The following PHIP variants were observed in gnomAD, a reference collection of about 807,000 sequenced individuals.
PHIP encodes PH-interacting protein.
PHIP carries 54 observed loss-of-function variants against 236.8 expected under a neutral mutation model. That is an observed-to-expected ratio of 0.23 (90% confidence interval 0.18 to 0.29). PHIP has a LOEUF of 0.29. PHIP is among the 10% of genes least tolerant of loss of function. The pLI is 1.00. For synonymous variants in PHIP, 756 were observed against 718.9 expected, an observed-to-expected ratio of 1.05 and a Z score of -0.83; for missense variants, 1,370 against 2,190.8, an observed-to-expected ratio of 0.63 and a Z score of 7.48.
chr6:78,949,714 G>A (rs571548602), intron 35 of PHIP, among the ~76,000 whole-genome samples: 1 of 151,850 alleles, frequency 6.6e-6, no homozygotes, highest in African/African-American at 2.4e-5. Context: ...TAATGAGATA[G>A]GGTCTCACTC....
At chr6:78,985,955 T>C (rs1488197391) in intron 21 of PHIP, among the ~76,000 whole-genome samples, 1 of 152,184 alleles carries the variant, frequency 6.6e-6, no homozygotes, top group Non-Finnish European at 1.5e-5. Flanking sequence ...ATAATACTAA[T>C]ATTGGATTCA....
chr6:78,970,782 C>A lies in PHIP; in HGVS notation c.2996G>T (p.Arg999Leu). Residue 999 changes from arginine (R) to leucine (L), a missense_variant and splice_region_variant, in exon 25 of 40, where the codon CGG (arginine) becomes CTG (leucine). Transcript: ENST00000275034. The stretch of plus-strand genomic sequence containing the variant: ...TTAAATAATAAATCAATGTCATACC[C>A]GTAGCTCCATTTTATGCCATGGTTG... ...KKQPWHKMEL[R>L]EQELMKIVGI... The A allele has an allele frequency of 6.3e-7, 1 of 1,581,392 alleles. No individual in the cohort carries two copies. Among genetic ancestry groups the A allele is most frequent in the Non-Finnish European group, 8.6e-7 (1 of 1,156,146 alleles).
chr6:79,009,074 C>T (rs1014213900), intron 15 of PHIP, among the ~76,000 whole-genome samples: 5 of 152,040 alleles, frequency 3.3e-5, no homozygotes, highest in Admixed American at 6.6e-5. Flanking sequence ...CACACTTATT[C>T]AATTTCATAC....
chr6:79,075,332 C>A (rs1774097069), intron 4 of PHIP, among the ~76,000 whole-genome samples: 1 of 151,974 alleles, frequency 6.6e-6, no homozygotes, highest in African/African-American at 2.4e-5. Flanking sequence ...AAGCAATATG[C>A]TGAATGAATG....
chr6:79,023,842 A>G (rs989132758), intron 9 of PHIP, among the ~76,000 whole-genome samples: 20 of 152,174 alleles, frequency 1.3e-4, no homozygotes, highest in African/African-American at 4.1e-4. Flanking sequence ...ATTCTGTAAA[A>G]CATTTTCTGT....
intron 6 of PHIP, among the ~76,000 whole-genome samples, chr6:79,049,600 T>C (rs1582284779): frequency 6.6e-6 from 1 of 152,296 alleles, no homozygotes; most frequent in South Asian, 2.1e-4. Flanking sequence ...TTAATAACTA[T>C]CACTGTAAAA....
At chr6:79,002,803 C>A (rs1562170306) in intron 16 of PHIP, among the ~76,000 whole-genome samples, 1 of 151,990 alleles carries the variant, frequency 6.6e-6, no homozygotes, top group Non-Finnish European at 1.5e-5. Flanking sequence ...CACAGAGCTA[C>A]CATGCTTTAT....
At chr6:79,053,837 T>C (rs1213645516) in intron 6 of PHIP, among the ~76,000 whole-genome samples, 1 of 152,186 alleles carries the variant, frequency 6.6e-6, no homozygotes, top group Non-Finnish European at 1.5e-5. Flanking sequence ...ACTACTGGAA[T>C]TGCTTGCCAG....
At chr6:78,971,786 G>T (rs539231471) in intron 24 of PHIP, among the ~76,000 whole-genome samples, 50 of 152,256 alleles carry the variant, frequency 3.3e-4, no homozygotes, top group African/African-American at 1.2e-3. Context: ...CTGGAAAATC[G>T]GGTCACTCCC....
At chr6:79,003,013 A>C (rs1209825941) in intron 16 of PHIP, among the ~76,000 whole-genome samples, 1 of 152,094 alleles carries the variant, frequency 6.6e-6, no homozygotes, top group Non-Finnish European at 1.5e-5. Context: ...CTAAATTATA[A>C]ACTACTCAAT....
intron 12 of PHIP, among the ~76,000 whole-genome samples, 185 bp from the exon 13 acceptor site, chr6:79,016,827 G>A (rs917236604): frequency 1.3e-5 from 2 of 151,746 alleles, no homozygotes; most frequent in Non-Finnish European, 2.9e-5. Flanking sequence ...TCATGGCTAG[G>A]TCACAAAATA....
intron 23 of PHIP, among the ~76,000 whole-genome samples, chr6:78,979,735 TA>T (rs1768382449): frequency 1.3e-5 from 2 of 152,116 alleles, no homozygotes; most frequent in South Asian, 4.1e-4. Flanking sequence ...GAATCACACG[TA>T]AAACATTAAA....
intron 17 of PHIP, among the ~76,000 whole-genome samples, chr6:79,000,797 A>C (rs1452943485): frequency 2.0e-5 from 3 of 152,050 alleles, no homozygotes; most frequent in Admixed American, 1.3e-4. Flanking sequence ...CCACGTACTG[A>C]GACACATTAA....
At chr6:79,018,689 T>A (rs568624630) in intron 10 of PHIP, among the ~76,000 whole-genome samples, 1 of 152,116 alleles carries the variant, frequency 6.6e-6, no homozygotes, top group South Asian at 2.1e-4. Flanking sequence ...CTGATAAAGA[T>A]GTACAAATAT....
intron 7 of PHIP, among the ~76,000 whole-genome samples, chr6:79,030,480 T>C (rs546821144): frequency 6.6e-6 from 1 of 152,248 alleles, no homozygotes; most frequent in South Asian, 2.1e-4. Context: ...TAAGTGAAAA[T>C]AAGTGATTAT....
chr6:79,001,836 T>C (rs1421755232), intron 17 of PHIP, 63 bp downstream of exon 17: 2 of 1,031,962 alleles, frequency 1.9e-6, no homozygotes, highest in African/African-American at 3.2e-5. Flanking sequence ...TTTACTCAAT[T>C]AGCAATTTTA....
At chr6:78,961,234 A>T (rs1319877041) in intron 31 of PHIP, among the ~76,000 whole-genome samples, 1 of 152,064 alleles carries the variant, frequency 6.6e-6, no homozygotes, top group African/African-American at 2.4e-5. Flanking sequence ...TTTCAGTGTT[A>T]TAAGTAATGA....
chr6:78,997,548 T>C lies in PHIP; in HGVS notation c.2067A>G (p.Leu689=), dbSNP rs774857898. 25 of 1,614,010 alleles carry C rather than the reference T, an allele frequency of 1.5e-5. No homozygotes were observed. The highest frequency in any genetic ancestry group is 1.9e-5 in the Non-Finnish European group (23 of 1,179,896). The stretch of plus-strand genomic sequence containing the variant: ...CACCTTCAATTTGTCCACTACGTCT[T>C]AGTCCTACGTTTGGTGGTGAATGAA... ...SEVHSPPNVG[L]RRSGQIEGVR... The change falls in exon 19 of 40, where the codon CTA becomes CTG. Residue 689 remains leucine (L), a synonymous_variant. Coordinates refer to ENST00000275034, the MANE Select transcript of PHIP (RefSeq NM_017934.7).
intron 6 of PHIP, among the ~76,000 whole-genome samples, chr6:79,047,916 T>C (rs1460468400): frequency 6.6e-6 from 1 of 152,018 alleles, no homozygotes; most frequent in East Asian, 1.9e-4. Flanking sequence ...CAAGTAACTA[T>C]TTGTTCCAGC....
Sources: allele counts gnomAD v4.1 joint callset (sites outside exome capture counted in the v4.1 genomes callset), GRCh38; gene constraint gnomAD v4.1.1; transcripts MANE v1.5; gene names NCBI Gene and HGNC (gene_info 2026-07-23, HGNC 2026-07-21).